Variants in LUC7L2 observed in about 807,000 individuals in gnomAD.
LUC7L2 encodes putative RNA-binding protein Luc7-like 2.
A neutral mutation model predicts 52.8 loss-of-function variants in LUC7L2; 25 were observed. That is an observed-to-expected ratio of 0.47 (90% CI 0.34 to 0.66). The LOEUF (loss-of-function observed/expected upper bound fraction) is 0.66. LUC7L2 is among the 30% of genes least tolerant of loss of function. The pLI, the probability that LUC7L2 is intolerant of heterozygous loss-of-function variation, is 0.01. For missense variants in LUC7L2, 328 were observed against 497.8 expected, an observed-to-expected ratio of 0.66 and a Z score of 3.25; for synonymous variants, 144 against 160.9, an observed-to-expected ratio of 0.89 and a Z score of 0.80.
intron 1 of LUC7L2, among the ~76,000 whole-genome samples, chr7:139,369,671 A>C (rs1199585527): frequency 6.6e-6 from 1 of 151,794 alleles, no homozygotes; most frequent in Non-Finnish European, 1.5e-5. Flanking sequence ...ATGGATTTTC[A>C]CAGACAAGTG....
chr7:139,374,057 T>C (rs11772771), intron 1 of LUC7L2, among the ~76,000 whole-genome samples: 42,098 of 152,150 alleles, frequency 0.28, 6,619 homozygotes, highest in African/African-American at 0.42. Context: ...CATTCTGATA[T>C]GAGTTTATCA....
chr7:139,401,404 A>G (rs560405345), intron 3 of LUC7L2, among the ~76,000 whole-genome samples: 35 of 152,266 alleles, frequency 2.3e-4, no homozygotes, highest in East Asian at 1.7e-3. Context: ...ACTGCATAAC[A>G]TTTGTAATTT....
At chr7:139,361,961 C>A (rs1476367555) in intron 1 of LUC7L2, among the ~76,000 whole-genome samples, 3 of 152,118 alleles carry the variant, frequency 2.0e-5, no homozygotes, top group African/African-American at 7.2e-5. Context: ...TCAAGGTAAA[C>A]CATCTCCTGA....
At chr7:139,352,674 T>A (rs968464004) in intron 1 of LUC7L2, among the ~76,000 whole-genome samples, 1 of 152,224 alleles carries the variant, frequency 6.6e-6, no homozygotes, top group African/African-American at 2.4e-5. Context: ...GAACTGAGGA[T>A]GTTTCTGGCT....
chr7:139,362,195 T>C (rs1799921739), intron 1 of LUC7L2, among the ~76,000 whole-genome samples: 1 of 152,142 alleles, frequency 6.6e-6, no homozygotes, highest in African/African-American at 2.4e-5. Flanking sequence ...AATGACTGGA[T>C]TTTCACTGCT....
intron 1 of LUC7L2, among the ~76,000 whole-genome samples, chr7:139,367,878 G>A (rs940772410): frequency 2.0e-5 from 3 of 152,184 alleles, no homozygotes; most frequent in Non-Finnish European, 4.4e-5. Flanking sequence ...TCCACAGTGG[G>A]AATGTGAAGA....
At chr7:139,383,473 G>A (rs182535287) in intron 2 of LUC7L2, among the ~76,000 whole-genome samples, 19 of 150,504 alleles carry the variant, frequency 1.3e-4, no homozygotes, top group Admixed American at 1.2e-3. Flanking sequence ...GTGTAATGGC[G>A]CGATCTCGGC....
intron 4 of LUC7L2, among the ~76,000 whole-genome samples, chr7:139,402,983 A>G (rs558215386): frequency 1.1e-4 from 17 of 152,288 alleles, no homozygotes; most frequent in Admixed American, 8.5e-4. Flanking sequence ...CCTATTCTCT[A>G]TCTCTGTAGT....
At chr7:139,362,723 C>G (rs1198293494) in intron 1 of LUC7L2, among the ~76,000 whole-genome samples, 1 of 150,876 alleles carries the variant, frequency 6.6e-6, no homozygotes. Flanking sequence ...TCTTAGTGTC[C>G]TGTCTGTGAA....
At chr7:139,421,732 G>GAA (rs1348873173) in intron 9 of LUC7L2, among the ~76,000 whole-genome samples, 1 of 152,188 alleles carries the variant, frequency 6.6e-6, no homozygotes, top group East Asian at 1.9e-4. Flanking sequence ...AAAAAGAAAA[G>GAA]AACTGCCACA....
intron 1 of LUC7L2, chr7:139,371,521 G>A: frequency 1.1e-6 from 1 of 918,132 alleles, no homozygotes; most frequent in Non-Finnish European, 1.6e-6. Context: ...AGTTGATTTG[G>A]TTTCTTGTTT....
At chr7:139,420,698 G>A (rs930001098) in intron 9 of LUC7L2, among the ~76,000 whole-genome samples, 7 of 152,158 alleles carry the variant, frequency 4.6e-5, no homozygotes, top group Non-Finnish European at 7.4e-5. Flanking sequence ...GGCATCTAGT[G>A]TCTTTTTAGG....
chr7:139,387,167 T>C (rs1163011169), intron 2 of LUC7L2, among the ~76,000 whole-genome samples: 1 of 152,056 alleles, frequency 6.6e-6, no homozygotes, highest in East Asian at 1.9e-4. Flanking sequence ...CATGGTCTCA[T>C]AAACTTTTTT....
At chr7:139,371,585 G>A in intron 1 of LUC7L2, 1 of 1,231,866 alleles carries the variant, frequency 8.1e-7, no homozygotes, top group South Asian at 1.4e-5. Flanking sequence ...ATATTGGGAA[G>A]ATAGCATGCA....
intron 1 of LUC7L2, among the ~76,000 whole-genome samples, chr7:139,349,780 C>T (rs1417799952): frequency 6.6e-6 from 1 of 152,158 alleles, no homozygotes; most frequent in Non-Finnish European, 1.5e-5. Flanking sequence ...ATTATATTCA[C>T]TTGCTGTATT....
upstream of LUC7L2, among the ~76,000 whole-genome samples, chr7:139,354,952 G>A (rs1444789857): frequency 6.6e-6 from 1 of 152,028 alleles, no homozygotes; most frequent in East Asian, 1.9e-4. Flanking sequence ...GACCACATGG[G>A]GCTCAAGAGA....
At chr7:139,363,373 G>A in intron 1 of LUC7L2, 1 of 387,292 alleles carries the variant, frequency 2.6e-6, no homozygotes, top group Non-Finnish European at 3.5e-6. Context: ...AAGGCATCAT[G>A]GGCTAAGGAA....
At chr7:139,344,303 G>A (rs1324889195) in intron 1 of LUC7L2, among the ~76,000 whole-genome samples, 2 of 152,032 alleles carry the variant, frequency 1.3e-5, no homozygotes, top group Non-Finnish European at 2.9e-5. Context: ...CCCCCACTCA[G>A]GAATACCAAA....
At chr7:139,359,652 G>A (rs984274792), upstream of LUC7L2, 37 of 397,610 alleles carry the variant, frequency 9.3e-5, no homozygotes, top group Middle Eastern at 1.9e-3. Flanking sequence ...TTAGCCGCCA[G>A]CCCTACAGCC....
Sources: gnomAD v4.1 joint callset for allele counts (sites outside exome capture counted in the v4.1 genomes callset) on GRCh38, gnomAD v4.1.1 for gene constraint, MANE v1.5 for transcripts, NCBI Gene and HGNC (gene_info 2026-07-23, HGNC 2026-07-21) for gene names.